The following TNN variants were observed in gnomAD, a reference collection of about 807,000 sequenced individuals.
The protein encoded by TNN is tenascin N.
A neutral mutation model predicts 134.4 loss-of-function variants in TNN; 122 were observed. The observed-to-expected ratio is 0.91, with a 90% CI of 0.78 to 1.06. The LOEUF is 1.06. Among genes scored for constraint, TNN ranks in the 50% least tolerant of loss-of-function variants. The pLI, the probability that TNN is intolerant of heterozygous loss-of-function variation, is 0.00. For missense variants in TNN, 1,739 were observed against 1,699.4 expected (o/e 1.02, Z -0.41); for synonymous variants, 710 against 670.3 (o/e 1.06, Z -0.91).
chr1:175,095,965 G>A (rs1448926126), intron 7 of TNN, among the ~76,000 whole-genome samples: 1 of 152,242 alleles, frequency 6.6e-6, no homozygotes, highest in Non-Finnish European at 1.5e-5. Context: ...TCTGGAGGGT[G>A]GCATTGCCAC....
At chr1:175,112,252 T>C (rs1675046588) in intron 9 of TNN, among the ~76,000 whole-genome samples, 1 of 152,204 alleles carries the variant, frequency 6.6e-6, no homozygotes. Context: ...ATGATATTTT[T>C]TTTTATTCTT....
At chr1:175,069,850 C>T (rs774111696) in intron 1 of TNN, among the ~76,000 whole-genome samples, 1 of 152,196 alleles carries the variant, frequency 6.6e-6, no homozygotes, top group African/African-American at 2.4e-5. Flanking sequence ...AATTAGCAAA[C>T]GCTCTCCTCC....
intron 9 of TNN, 84 bp from the exon 10 acceptor site, chr1:175,116,855 C>A: frequency 6.3e-7 from 1 of 1,584,548 alleles, no homozygotes; most frequent in South Asian, 1.1e-5. Context: ...GAACAGGAAA[C>A]TGCCTTACCA....
chr1:175,146,074 G>C (rs889251923), intron 18 of TNN, among the ~76,000 whole-genome samples: 1 of 152,036 alleles, frequency 6.6e-6, no homozygotes, highest in African/African-American at 2.4e-5. Context: ...ACCAGTCTTC[G>C]GGACTCCCAA....
intron 12 of TNN, among the ~76,000 whole-genome samples, chr1:175,126,669 T>C (rs1675536293): frequency 6.6e-6 from 1 of 152,082 alleles, no homozygotes; most frequent in Non-Finnish European, 1.5e-5. Flanking sequence ...TCTAGGCTGT[T>C]AATATCCACC....
chr1:175,143,988 C>A (rs1257327274), intron 17 of TNN, among the ~76,000 whole-genome samples: 1 of 152,056 alleles, frequency 6.6e-6, no homozygotes, highest in African/African-American at 2.4e-5. Flanking sequence ...GATTTCCAAA[C>A]ATGGCTCCAG....
chr1:175,118,476 G>A (rs1338884087), intron 10 of TNN, 85 bp from the exon 11 acceptor site: 2 of 1,522,370 alleles, frequency 1.3e-6, no homozygotes, highest in Non-Finnish European at 1.8e-6. Context: ...AACATGAAAG[G>A]GTTTCACCCC....
intron 1 of TNN, among the ~76,000 whole-genome samples, chr1:175,072,250 C>T (rs537541938): frequency 1.3e-5 from 2 of 152,166 alleles, no homozygotes; most frequent in Non-Finnish European, 2.9e-5. Flanking sequence ...TCCCTCCCAC[C>T]TTCCCACACC....
At chr1:175,098,242 G>C (rs1329578348) in intron 8 of TNN, 90 bp from the exon 9 acceptor site, 2 of 1,576,408 alleles carry the variant, frequency 1.3e-6, no homozygotes, top group African/African-American at 2.7e-5. Context: ...TTCTAAAAGA[G>C]CTCTGGAAGA....
At position 175,147,150 on chromosome 1, in the gene TNN, T is replaced by G. The variant is rs2101859160; in HGVS notation, c.*79T>G. 7.5e-7 allele frequency: 1 copy of G among 1,334,412 alleles called. No homozygotes were observed. Among genetic ancestry groups the G allele is most frequent in the Non-Finnish European group, 9.9e-7 (1 of 1,013,294 alleles). 82.7% of individuals were successfully genotyped at this position (1,334,412 alleles called of 1,614,324 possible). On this transcript the variant is annotated 3_prime_UTR_variant, in exon 19 of 19. Transcript: ENST00000239462. The stretch of plus-strand genomic sequence containing the variant: ...GCGGGGTGGGTAGTGGTCACTGCGG[T>G]CTGGGAGTGCTCAGATAGCCCGCAG...
At position 175,128,089 on chromosome 1, in the gene TNN, G is replaced by A. The variant is rs548328539; in HGVS notation, c.3103G>A (p.Ala1035Thr). ...RFALQGLEQG[A>T]TYPVSLVAFK... ...TGCGTTGCAAGGCCTTGAGCAAGGC[G>A]CCACCTACCCTGTCTCCCTTGTTGC... is the stretch of plus-strand genomic sequence containing the variant. The change falls in exon 14 of 19, where the codon GCC (alanine) becomes ACC (threonine). Residue 1035 changes from alanine to threonine, a missense_variant. Ala to Thr is a moderately conservative substitution (Grantham distance 58). Coordinates refer to ENST00000239462, the MANE Select transcript of TNN (RefSeq NM_022093.2). 7.4e-6 allele frequency: 12 copies of A among 1,613,994 alleles called. No homozygotes were observed. In the Middle Eastern group the frequency reaches 5.0e-4, roughly 67 times the overall value.
At chr1:175,108,163 G>A (rs1674907660) in intron 9 of TNN, among the ~76,000 whole-genome samples, 1 of 151,844 alleles carries the variant, frequency 6.6e-6, no homozygotes, top group African/African-American at 2.4e-5. Flanking sequence ...GTTGATTGGT[G>A]CACTCACAAA....
chr1:175,126,491 G>C (rs1218558341), intron 12 of TNN, among the ~76,000 whole-genome samples: 1 of 152,108 alleles, frequency 6.6e-6, no homozygotes, highest in Non-Finnish European at 1.5e-5. Flanking sequence ...GTAAGTCTTG[G>C]GTAGTTTCCC....
chr1:175,128,213 C>T (rs7547567), intron 14 of TNN, 49 bp downstream of exon 14: 985,926 of 1,515,230 alleles, frequency 0.65, 323,092 homozygotes, highest in African/African-American at 0.79. Flanking sequence ...AGAACCAGCA[C>T]CGGAAAGCCT....
chr1:175,125,746 TTTCTTTCTTTC>T (rs1675505088), intron 12 of TNN, among the ~76,000 whole-genome samples: 1 of 144,834 alleles, frequency 6.9e-6, no homozygotes, highest in African/African-American at 2.7e-5. Context: ...TCTTTCTTTC[TTTCTTTCTTTC>T]TCTCTCTCTC....
chr1:175,079,265 T>C (rs892648406), intron 2 of TNN, 68 bp from the exon 3 acceptor site: 1 of 1,500,140 alleles, frequency 6.7e-7, no homozygotes, highest in East Asian at 2.3e-5. Context: ...GCATGGCTGA[T>C]CTCAGAGGAA....
chr1:175,144,626 A>T (rs1165202170), intron 18 of TNN, 76 bp downstream of exon 18: 3 of 1,462,904 alleles, frequency 2.1e-6, no homozygotes, highest in Non-Finnish European at 1.8e-6. Context: ...CCTCCAGGCC[A>T]GTCTGGCAGC....
Position 175,148,072 on chromosome 1 carries a change from A to G in TNN, c.*1001A>G, listed in dbSNP as rs1490057403. On this transcript the variant is annotated 3_prime_UTR_variant, in exon 19 of 19. Coordinates refer to ENST00000239462, the MANE Select transcript of TNN (RefSeq NM_022093.2). Reference sequence around the variant, plus strand: ...AATAATAAACCACTTGATTTAAAAAAAAATTGCCATGTGTTATTTTCCTCC... The same window carrying G: ...AATAATAAACCACTTGATTTAAAAAGAAATTGCCATGTGTTATTTTCCTCC... 1 of 152,288 alleles carries G rather than the reference A, an allele frequency of 6.6e-6. No homozygotes were observed. The highest frequency in any genetic ancestry group is 1.5e-5 in the Non-Finnish European group (1 of 68,048). 9.4% of individuals were successfully genotyped at this position (152,288 alleles called of 1,614,324 possible). A position where few individuals can be genotyped will look rare whatever the true frequency, so the allele number is the denominator to read the frequency against.
At chr1:175,146,638 C>T (rs918430461) in intron 18 of TNN, among the ~76,000 whole-genome samples, 13 of 152,078 alleles carry the variant, frequency 8.5e-5, no homozygotes, top group Admixed American at 6.5e-4. Context: ...GCTGCTCTGG[C>T]CTCACCCAGC....
Sources: allele counts gnomAD v4.1 joint callset (sites outside exome capture counted in the v4.1 genomes callset), GRCh38; gene constraint gnomAD v4.1.1; transcripts MANE v1.5; gene names NCBI Gene and HGNC (gene_info 2026-07-23, HGNC 2026-07-21).